The following NLRP2 variants were observed in gnomAD, a reference collection of about 807,000 sequenced individuals.
NLRP2 encodes NACHT, LRR and PYD domains-containing protein 2.
A neutral mutation model predicts 97.2 loss-of-function variants in NLRP2; 107 were observed. The ratio of observed to expected loss-of-function variants is 1.10; its 90% confidence interval spans 0.94 to 1.29. The LOEUF (loss-of-function observed/expected upper bound fraction) is 1.29, where lower values mean the gene tolerates loss of function less well. Among genes scored for constraint, NLRP2 ranks in the 50% most tolerant of loss-of-function variants. The pLI is 0.00. For synonymous variants in NLRP2, 663 were observed against 551.5 expected (o/e 1.20, Z -2.83); for missense variants, 1,495 against 1,330.3 (o/e 1.12, Z -1.93).
chr19:54,982,798 A>G lies in NLRP2; in HGVS notation c.1100A>G (p.Tyr367Cys), dbSNP rs2071691978. The G allele has an allele frequency of 6.2e-7, 1 of 1,613,846 alleles. No individual in the cohort carries two copies. The highest frequency in any genetic ancestry group is 8.5e-7 in the Non-Finnish European group (1 of 1,180,004). ...TTCCTGGAGGAGGACAGGAGGGCCT[A>G]TTTCCTGAGACACTTTGGAGACGAG... ...EGFLEEDRRA[Y>C]FLRHFGDEDQ... is the part of the protein sequence containing the mutation. Residue 367 changes from tyrosine to cysteine, a missense_variant, in exon 6 of 13, where the codon TAT (tyrosine) becomes TGT (cysteine). Tyr to Cys is a radical substitution (Grantham distance 194). Coordinates refer to ENST00000448584, the MANE Select transcript of NLRP2 (RefSeq NM_017852.5).
rs1337294345 is a variant in NLRP2 at position 54,970,981 on chromosome 19, CCCA to C, written c.280+691_280+693del. Among the ~76,000 whole-genome samples the C allele has an allele frequency of 4.7e-3, 448 of 95,464 alleles. 6 individuals are homozygous for C. Among genetic ancestry groups the C allele is most frequent in the African/African-American group, 0.017 (428 of 24,770 alleles). 62.6% of individuals were successfully genotyped at this position (95,464 alleles called of 152,430 possible). On this transcript the variant is annotated intron_variant, in intron 2 of 12. Transcript: ENST00000448584. ...TGCTATCCCTCCCCCCTCCCCCCAC[CCCA>C]CCACAGTCCCCAGAGTGTGATGTTC...
At chr19:54,970,348 C>T (rs1423267101) in intron 2 of NLRP2, 53 bp downstream of exon 2, 16 of 1,603,148 alleles carry the variant, frequency 1.0e-5, no homozygotes, top group Admixed American at 1.7e-5. Context: ...GCGTCCTCTC[C>T]AGGACTTTAG....
At chr19:55,000,655 T>C in intron 12 of NLRP2, 105 bp from the exon 13 acceptor site, 5 of 1,122,440 alleles carry the variant, frequency 4.5e-6, no homozygotes, top group Non-Finnish European at 6.7e-6. Flanking sequence ...TCAGGAAAGG[T>C]GACCCATGCC....
At chr19:54,977,487 TTGTGTGTGTGTG>T (rs61515967) in intron 3 of NLRP2, among the ~76,000 whole-genome samples, 89 of 147,534 alleles carry the variant, frequency 6.0e-4, no homozygotes, top group South Asian at 1.5e-3. Context: ...CGTGAGTAGT[TTGTGTGTGTGTG>T]TGTGTGTGTG....
At chr19:54,986,045 G>A in intron 7 of NLRP2, 106 bp from the exon 8 acceptor site, 2 of 803,198 alleles carry the variant, frequency 2.5e-6, no homozygotes, top group Non-Finnish European at 4.2e-6. Context: ...ATTTAAACAT[G>A]GAAAAAATAG....
At chr19:54,975,106 G>GGTTT (rs2071119955) in intron 3 of NLRP2, among the ~76,000 whole-genome samples, 1 of 58,674 alleles carries the variant, frequency 1.7e-5, no homozygotes, top group Non-Finnish European at 3.5e-5. Flanking sequence ...ACCCGGTTTT[G>GGTTT]TTTTTTTTTT....
intron 2 of NLRP2, among the ~76,000 whole-genome samples, chr19:54,972,677 G>T (rs7245580): frequency 4.0e-5 from 6 of 151,848 alleles, no homozygotes; most frequent in African/African-American, 1.4e-4. Flanking sequence ...GGCTGGTCTC[G>T]AACTTCTGTG....
At chr19:54,985,305 C>G in intron 7 of NLRP2, 88 bp downstream of exon 7, 1 of 1,275,376 alleles carries the variant, frequency 7.8e-7, no homozygotes, top group East Asian at 2.3e-5. Context: ...GATTCCTGTA[C>G]TAGACTCTTA....
chr19:54,978,975 A>T (rs978370535), intron 4 of NLRP2, among the ~76,000 whole-genome samples: 9 of 151,336 alleles, frequency 5.9e-5, no homozygotes, highest in Non-Finnish European at 1.2e-4. Context: ...TGACTTTGTG[A>T]TAGGTTTTTT....
rs143208537 is a variant in NLRP2, at chr19:54,993,717, C to T, written c.2709-552C>T. 1.8e-3 allele frequency: 303 copies of T among 165,818 alleles called. 1 individual carries two copies. The highest frequency in any genetic ancestry group is 6.7e-3 in the African/African-American group (265 of 39,418). The allele number at this position is 165,818 out of a possible 1,614,324, so 10.3% of individuals were successfully genotyped here. A position where few individuals can be genotyped will look rare whatever the true frequency, so the allele number is the denominator to read the frequency against. ...AAACTTAGCTGGGTGTGGTGGCACG[C>T]GCATGTGTGTACACACACACACCCC... On this transcript the variant is annotated intron_variant, in intron 10 of 12. Coordinates refer to ENST00000448584, the MANE Select transcript of NLRP2 (RefSeq NM_017852.5).
intron 12 of NLRP2, 129 bp from the exon 13 acceptor site, chr19:55,000,631 G>A: frequency 1.1e-6 from 1 of 881,686 alleles, no homozygotes; most frequent in Non-Finnish European, 1.8e-6. Context: ...ACACTCCTTT[G>A]CCACCTAGAA....
chr19:54,992,717 C>T (rs1424668155), intron 10 of NLRP2, among the ~76,000 whole-genome samples: 1 of 151,710 alleles, frequency 6.6e-6, no homozygotes, highest in Non-Finnish European at 1.5e-5. Flanking sequence ...TGCCACCACG[C>T]CCAGCTAACT....
chr19:55,000,962 T>A lies in NLRP2; in HGVS notation c.*64T>A, dbSNP rs1044482947. ...TTTCCAGGTGTTGGTGAACTGCCTGTGACTCCTCTCCTCCCCGGCCCCTAC... is the reference window on the plus strand; with the variant it reads ...TTTCCAGGTGTTGGTGAACTGCCTGAGACTCCTCTCCTCCCCGGCCCCTAC... On this transcript the variant is annotated 3_prime_UTR_variant, in exon 13 of 13. Coordinates refer to ENST00000448584, the MANE Select transcript of NLRP2 (RefSeq NM_017852.5). 13 of 1,486,026 alleles carry A rather than the reference T, an allele frequency of 8.7e-6. No homozygotes were observed. The highest frequency in any genetic ancestry group is 1.1e-5 in the Non-Finnish European group (12 of 1,066,264). 92.1% of individuals were successfully genotyped at this position (1,486,026 alleles called of 1,614,324 possible).
chr19:54,983,786 T>C, intron 6 of NLRP2, 58 bp downstream of exon 6: 1 of 1,597,882 alleles, frequency 6.3e-7, no homozygotes, highest in Non-Finnish European at 8.5e-7. Context: ...CATGCCCCCT[T>C]AGGAAGAGGC....
At chr19:54,997,136 C>T (rs1292849410) in intron 11 of NLRP2, among the ~76,000 whole-genome samples, 181 bp from the exon 12 acceptor site, 1 of 152,148 alleles carries the variant, frequency 6.6e-6, no homozygotes, top group Non-Finnish European at 1.5e-5. Flanking sequence ...ACTCCTTGAC[C>T]TCAGGTGATC....
rs752837638 is a variant in NLRP2 at position 55,000,754 on chromosome 19, C to T, written c.3051-6C>T. 20 of 1,613,242 alleles carry T rather than the reference C, an allele frequency of 1.2e-5. No individual in the cohort carries two copies. Among genetic ancestry groups the T allele is most frequent in the Non-Finnish European group, 1.5e-5 (18 of 1,179,514 alleles). On this transcript the variant is annotated splice_region_variant and splice_polypyrimidine_tract_variant and intron_variant, in intron 12 of 12. Transcript: ENST00000448584. ...AGTAACCTTTTCTTCCCCCATTGTA[C>T]CCCAGGTTGAAAATCGATGACTTTA...
chr19:54,982,277 C>A lies in NLRP2; in HGVS notation c.579C>A (p.Ile193=). Residue 193 remains isoleucine, a synonymous_variant, in exon 6 of 13, where the codon ATC becomes ATA. Transcript: ENST00000448584. ...QVMAERYKML[I]PFSNPRVLPG... ...TGGCTGAGAGATACAAGATGCTGAT[C>A]CCATTCAGCAACCCCAGGGTGCTTC... is the stretch of plus-strand genomic sequence containing the variant. The A allele has an allele frequency of 1.9e-6, 3 of 1,614,036 alleles. No homozygotes were observed. In the African/African-American group the frequency reaches 4.0e-5, roughly 22 times the overall value.
At chr19:54,998,851 C>T (rs11667155) in intron 12 of NLRP2, among the ~76,000 whole-genome samples, 21,260 of 149,820 alleles carry the variant, frequency 0.14, 2,148 homozygotes, top group Non-Finnish European at 0.21. Flanking sequence ...GAGCGTGCTG[C>T]CTTCAGGATC....
At chr19:54,981,778 T>G in intron 5 of NLRP2, 96 bp downstream of exon 5, 1 of 825,450 alleles carries the variant, frequency 1.2e-6, no homozygotes, top group Non-Finnish European at 2.1e-6. Flanking sequence ...AAAGCATTTA[T>G]TTATGTATGT....
Sources: gnomAD v4.1 joint callset for allele counts (sites outside exome capture counted in the v4.1 genomes callset) on GRCh38, gnomAD v4.1.1 for gene constraint, MANE v1.5 for transcripts, NCBI Gene and HGNC (gene_info 2026-07-23, HGNC 2026-07-21) for gene names.